PRPF6: variants seen among roughly 807,000 people sequenced by gnomAD.
PRPF6 encodes pre-mRNA processing factor 6.
PRPF6 carries 42 observed loss-of-function variants against 118.3 expected under a neutral mutation model. The ratio of observed to expected loss-of-function variants is 0.35; its 90% confidence interval spans 0.28 to 0.46. The LOEUF (loss-of-function observed/expected upper bound fraction) is 0.46. Ranked by LOEUF, PRPF6 falls within the 20% of genes least tolerant of loss-of-function variation. The probability of loss-of-function intolerance (pLI) is 1.00; values close to 1 mark genes in which losing one functional copy is unlikely to be tolerated. For synonymous variants in PRPF6, 481 were observed against 485.1 expected (o/e 0.99, Z 0.11); for missense variants, 662 against 1,255.7 (o/e 0.53, Z 7.15).
Position 63,999,060 on chromosome 20 carries a change from AGTG to A in PRPF6, c.789_791del (p.Ser263_Gly264delinsArg). 6.2e-7 allele frequency: 1 copy of A among 1,613,594 alleles called. No homozygotes were observed. On this transcript the variant is annotated inframe_deletion, in exon 7 of 21. Coordinates refer to ENST00000266079, the MANE Select transcript of PRPF6 (RefSeq NM_012469.4). ...TGTCTCACAGGTGTCTGACTCCGTG[AGTG>A]GACAGACCGTCGTTGACCCCAAAGG...
intron 9 of PRPF6, among the ~76,000 whole-genome samples, chr20:64,006,212 G>A (rs1255972225): frequency 6.6e-6 from 1 of 152,124 alleles, no homozygotes; most frequent in Non-Finnish European, 1.5e-5. Context: ...TTGGGAGTCA[G>A]GGTTAGCCTC....
intron 19 of PRPF6, among the ~76,000 whole-genome samples, chr20:64,031,077 C>T (rs750011561): frequency 6.6e-5 from 10 of 152,228 alleles, no homozygotes; most frequent in Non-Finnish European, 1.5e-4. Flanking sequence ...TCTTCGGGCC[C>T]GGTTTTTCAG....
chr20:63,999,402 T>G (rs540226594), intron 7 of PRPF6, among the ~76,000 whole-genome samples: 4 of 152,238 alleles, frequency 2.6e-5, no homozygotes, highest in Non-Finnish European at 5.9e-5. Flanking sequence ...CATCTGGACC[T>G]TCGGTTCTCA....
intron 12 of PRPF6, among the ~76,000 whole-genome samples, chr20:64,022,527 C>G (rs1026999354): frequency 1.3e-5 from 2 of 152,182 alleles, no homozygotes; most frequent in Admixed American, 1.3e-4. Context: ...AGGCTGGTCT[C>G]GAACTCCTGA....
At chr20:63,990,876 G>A in intron 3 of PRPF6, among the ~76,000 whole-genome samples, 1 of 151,690 alleles carries the variant, frequency 6.6e-6, no homozygotes. Context: ...GGCTGGTCTT[G>A]AACTCCTGCC....
At chr20:63,985,097 CT>C (rs1290358439) in intron 3 of PRPF6, 72 bp downstream of exon 3, 1 of 1,208,956 alleles carries the variant, frequency 8.3e-7, no homozygotes, top group African/African-American at 1.5e-5. Context: ...GGCGCAGTGG[CT>C]CACGTGTGTA....
intron 3 of PRPF6, among the ~76,000 whole-genome samples, chr20:63,988,513 T>C (rs1161242339): frequency 6.7e-6 from 1 of 149,870 alleles, no homozygotes; most frequent in Non-Finnish European, 1.5e-5. Flanking sequence ...AAAGAAAATA[T>C]CCATACTACC....
chr20:63,989,350 C>G (rs1483284493), intron 3 of PRPF6, among the ~76,000 whole-genome samples: 1 of 152,024 alleles, frequency 6.6e-6, no homozygotes, highest in East Asian at 1.9e-4. Context: ...CAAGCACAGG[C>G]AACGAACGGA....
At chr20:63,988,059 C>T (rs1183833923) in intron 3 of PRPF6, among the ~76,000 whole-genome samples, 1 of 152,086 alleles carries the variant, frequency 6.6e-6, no homozygotes, top group African/African-American at 2.4e-5. Flanking sequence ...GGGACTCACG[C>T]CTGTAATCCC....
Position 63,984,928 on chromosome 20 carries a change from C to A in PRPF6, c.262C>A (p.Leu88Ile). 1 of 1,613,624 alleles carries A rather than the reference C, an allele frequency of 6.2e-7. No homozygotes were observed. Among genetic ancestry groups the A allele is most frequent in the Non-Finnish European group, 8.5e-7 (1 of 1,179,650 alleles). Residue 88 changes from leucine to isoleucine, a missense_variant, in exon 3 of 21, where the codon CTC becomes ATC. Around this residue, in one of 10 missense-constraint regions of PRPF6, gnomAD observed 20 missense variants for 69.4 expected, o/e 0.29. Coordinates refer to ENST00000266079, the MANE Select transcript of PRPF6 (RefSeq NM_012469.4). ...YDEFNGYAGS[L>I]FSSGPYEKDD... ...TCAGTTTAATGGCTATGCTGGGAGC[C>A]TCTTCTCAAGTGGACCCTACGAGAA... is the stretch of plus-strand genomic sequence containing the variant.
At chr20:64,021,413 T>A (rs961146176) in intron 12 of PRPF6, among the ~76,000 whole-genome samples, 18 of 151,446 alleles carry the variant, frequency 1.2e-4, no homozygotes, top group Non-Finnish European at 2.2e-4. Context: ...TGTCTGTGTG[T>A]GCGTGTGTGT....
At chr20:64,005,315 G>T (rs986237156) in intron 9 of PRPF6, among the ~76,000 whole-genome samples, 3 of 152,132 alleles carry the variant, frequency 2.0e-5, no homozygotes, top group Non-Finnish European at 4.4e-5. Context: ...ATTGAGTCCC[G>T]CATGAATATT....
intron 1 of PRPF6, among the ~76,000 whole-genome samples, chr20:63,981,984 G>T (rs2059071227): frequency 6.6e-6 from 1 of 151,996 alleles, no homozygotes; most frequent in Non-Finnish European, 1.5e-5. Flanking sequence ...CGATAGAAGA[G>T]AAACTGACAT....
Position 64,011,279 on chromosome 20 carries a change from G to A in PRPF6, c.1306-6G>A, listed in dbSNP as rs377007810. On this transcript the variant is annotated splice_polypyrimidine_tract_variant and splice_region_variant and intron_variant, in intron 10 of 20. Coordinates refer to ENST00000266079, the MANE Select transcript of PRPF6 (RefSeq NM_012469.4). The surrounding 1 kb of genome is among the most constrained non-coding windows in gnomAD (Gnocchi z 6.7). ...CTCTCCTTTTTCTCGTGTCCTCTCC[G>A]CGTAGCTCTGGCTTGCTCTGGCAAG... The A allele has an allele frequency of 1.9e-4, 303 of 1,613,814 alleles. No homozygotes were observed. The highest frequency in any genetic ancestry group is 2.1e-4 in the Non-Finnish European group (248 of 1,179,932).
rs2059293776 is a variant in PRPF6, at chr20:64,026,903, C to T, written c.2029-79C>T. ...AAAGTACACACAGTACTGCAGGTAACAGTGTTGAGGATGAGTGTACCATGA... is the reference window on the plus strand; with the variant it reads ...AAAGTACACACAGTACTGCAGGTAATAGTGTTGAGGATGAGTGTACCATGA... On this transcript the variant is annotated intron_variant, in intron 15 of 20. Coordinates refer to ENST00000266079, the MANE Select transcript of PRPF6 (RefSeq NM_012469.4). The surrounding 1 kb of genome is among the most constrained non-coding windows in gnomAD (Gnocchi z 4.4). The T allele has an allele frequency of 2.1e-6, 3 of 1,451,048 alleles. No individual in the cohort carries two copies. Among genetic ancestry groups the T allele is most frequent in the South Asian group, 2.3e-5 (2 of 87,060 alleles). 89.9% of individuals were successfully genotyped at this position (1,451,048 alleles called of 1,614,324 possible). A position where few individuals can be genotyped will look rare whatever the true frequency, so the allele number is the denominator to read the frequency against.
intron 12 of PRPF6, among the ~76,000 whole-genome samples, chr20:64,022,271 C>G (rs889925203): frequency 2.0e-5 from 3 of 152,168 alleles, no homozygotes; most frequent in Non-Finnish European, 2.9e-5. Context: ...TTTTCTGTGC[C>G]CAGAAGTAGG....
chr20:64,031,861 C>T, intron 19 of PRPF6, 57 bp from the exon 20 acceptor site: 2 of 1,613,162 alleles, frequency 1.2e-6, no homozygotes, highest in Non-Finnish European at 1.7e-6. Context: ...GTTCCCCTGC[C>T]CCAGAATACC....
In PRPF6 at chr20:64,004,260, T is replaced by C. The variant is rs543149698; in HGVS notation, c.1186+3021T>C. Among the ~76,000 whole-genome samples the C allele has an allele frequency of 9.8e-5, 15 of 152,316 alleles. 1 individual carries two copies. The South Asian group carries it at 2.3e-3, about 23-fold the overall frequency. On this transcript the variant is annotated intron_variant, in intron 9 of 20. Coordinates refer to ENST00000266079, the MANE Select transcript of PRPF6 (RefSeq NM_012469.4). ...CTCTCAGGGAGTGGCCTCCTGGCTGTGCTCTCTCAGGCAGAGAAGCTGGGC... is the reference window on the plus strand; with the variant it reads ...CTCTCAGGGAGTGGCCTCCTGGCTGCGCTCTCTCAGGCAGAGAAGCTGGGC...
rs2059218280 is a variant in PRPF6 at position 64,011,751 on chromosome 20, C to A, written c.1524+248C>A. On this transcript the variant is annotated intron_variant, in intron 11 of 20. Coordinates refer to ENST00000266079, the MANE Select transcript of PRPF6 (RefSeq NM_012469.4). The surrounding 1 kb of genome is among the most constrained non-coding windows in gnomAD (Gnocchi z 6.7). ...CTTTCAGTGTGTGCACACCTGACTG[C>A]ATTTCTTTGCTAGTAGAAATGATAC... Among the ~76,000 whole-genome samples, 1 of 152,190 alleles carries A rather than the reference C, an allele frequency of 6.6e-6. No homozygotes were observed.
Sources: allele counts gnomAD v4.1 joint callset (sites outside exome capture counted in the v4.1 genomes callset), GRCh38; gene constraint gnomAD v4.1.1; regional missense constraint gnomAD v4.1.1; non-coding constraint Gnocchi (gnomAD v3.1); transcripts MANE v1.5; gene names NCBI Gene and HGNC (gene_info 2026-07-23, HGNC 2026-07-21).